ALK: variants seen among roughly 807,000 people sequenced by gnomAD.
ALK encodes ALK tyrosine kinase receptor.
In ALK, 74 loss-of-function variants were observed where a neutral mutation model predicts 163.1. The observed-to-expected ratio is 0.45, with a 90% CI of 0.38 to 0.55. The LOEUF (loss-of-function observed/expected upper bound fraction) is 0.55. ALK is among the 20% of genes least tolerant of loss of function. ALK has a pLI of 0.00. For missense variants in ALK, 2,063 were observed against 2,105.3 expected, an observed-to-expected ratio of 0.98 and a Z score of 0.39; for synonymous variants, 960 against 843.2, an observed-to-expected ratio of 1.14 and a Z score of -2.40.
intron 5 of ALK, among the ~76,000 whole-genome samples, chr2:29,360,689 A>G (rs1668365624): frequency 6.6e-6 from 1 of 152,194 alleles, no homozygotes; most frequent in African/African-American, 2.4e-5. Flanking sequence ...ATAACTAGGA[A>G]TTGTGGTGAA....
intron 4 of ALK, among the ~76,000 whole-genome samples, chr2:29,444,181 C>T (rs113466912): frequency 3.9e-5 from 6 of 152,230 alleles, no homozygotes; most frequent in South Asian, 2.1e-4. Flanking sequence ...GAGAGTGAAT[C>T]GGGAGCTCCA....
intron 4 of ALK, among the ~76,000 whole-genome samples, chr2:29,448,276 T>G (rs1206401848): frequency 5.3e-5 from 8 of 152,212 alleles, no homozygotes; most frequent in Admixed American, 2.6e-4. Context: ...CAGGAGTTTC[T>G]GCAGCCCACA....
At chr2:29,340,309 G>T (rs188428073) in intron 5 of ALK, among the ~76,000 whole-genome samples, 1 of 152,180 alleles carries the variant, frequency 6.6e-6, no homozygotes, top group Admixed American at 6.5e-5. Context: ...CAGGGACCAG[G>T]CTTTAGATTC....
intron 4 of ALK, among the ~76,000 whole-genome samples, chr2:29,451,846 C>T (rs529827238): frequency 6.6e-5 from 10 of 152,264 alleles, no homozygotes; most frequent in East Asian, 5.8e-4. Context: ...AGAAAACACA[C>T]GCAGCCACGC....
chr2:29,858,204 C>T (rs1666193034), intron 1 of ALK, among the ~76,000 whole-genome samples: 1 of 152,194 alleles, frequency 6.6e-6, no homozygotes, highest in Non-Finnish European at 1.5e-5. Context: ...TATAACCACA[C>T]CTACCTTCTT....
At chr2:29,419,653 G>C (rs935694645) in intron 4 of ALK, among the ~76,000 whole-genome samples, 1 of 151,476 alleles carries the variant, frequency 6.6e-6, no homozygotes, top group Admixed American at 6.6e-5. Context: ...GAAGAAGTTT[G>C]GTTTTCATAA....
At chr2:29,603,660 C>T (rs1302610191) in intron 3 of ALK, among the ~76,000 whole-genome samples, 4 of 151,930 alleles carry the variant, frequency 2.6e-5, no homozygotes, top group South Asian at 2.1e-4. Context: ...TTGGGTGGCT[C>T]AGAATTTTGT....
At chr2:29,221,863 ACT>A (rs1391174518) in intron 22 of ALK, among the ~76,000 whole-genome samples, 3 of 152,112 alleles carry the variant, frequency 2.0e-5, no homozygotes, top group African/African-American at 7.2e-5. Flanking sequence ...AGGCACTGAG[ACT>A]CTCAGCTTAA....
At position 29,647,617 on chromosome 2, in the gene ALK, T is replaced by C. The variant is rs1193517151; in HGVS notation, c.952+47233A>G. On this transcript the variant is annotated intron_variant, in intron 3 of 28. Transcript: ENST00000389048. ...CAGCCTGTGAAGAAGCGTCCGGAATTGAGGGAGCTGTAGAATGAAGTTCAT... is the reference window on the plus strand; with the variant it reads ...CAGCCTGTGAAGAAGCGTCCGGAATCGAGGGAGCTGTAGAATGAAGTTCAT... Among the ~76,000 whole-genome samples the C allele has an allele frequency of 2.0e-5, 3 of 152,120 alleles. No individual in the cohort carries two copies. In the East Asian group the frequency reaches 5.8e-4, roughly 29 times the overall value.
rs879207619 is a variant in ALK at position 29,227,715 on chromosome 2, G to A, written c.2816-43C>T. On this transcript the variant is annotated intron_variant, in intron 16 of 28. Coordinates refer to ENST00000389048, the MANE Select transcript of ALK (RefSeq NM_004304.5). This position sits in a 1 kb window ranked among gnomAD's most constrained non-coding sequence, Gnocchi z 4.4. ...GCAGAGTTTAACATGGGGGGTGGGT[G>A]CCAAAATCTTAACACACACACACGT... 6.6e-7 allele frequency: 1 copy of A among 1,517,952 alleles called. No individual in the cohort carries two copies. 94.0% of individuals were successfully genotyped at this position (1,517,952 alleles called of 1,614,324 possible).
intron 3 of ALK, among the ~76,000 whole-genome samples, chr2:29,600,075 C>T (rs537224227): frequency 1.3e-5 from 2 of 152,300 alleles, no homozygotes; most frequent in South Asian, 2.1e-4. Flanking sequence ...ATCACCCATC[C>T]ACACGTGGGG....
At chr2:29,393,771 T>C (rs1026022191) in intron 4 of ALK, among the ~76,000 whole-genome samples, 1 of 152,186 alleles carries the variant, frequency 6.6e-6, no homozygotes, top group South Asian at 2.1e-4. Flanking sequence ...GCCCCTACAG[T>C]TTCTAAAACA....
At chr2:29,873,777 G>A (rs1485706854) in intron 1 of ALK, among the ~76,000 whole-genome samples, 1 of 151,840 alleles carries the variant, frequency 6.6e-6, no homozygotes, top group East Asian at 1.9e-4. Flanking sequence ...ATATGAAAAT[G>A]CCACCAAGAC....
At chr2:29,250,470 C>A (rs1285026543) in intron 12 of ALK, among the ~76,000 whole-genome samples, 3 of 152,160 alleles carry the variant, frequency 2.0e-5, no homozygotes. Flanking sequence ...CCACTCCAGA[C>A]CTGCAGAACC....
At chr2:29,482,978 A>G (rs186899977) in intron 4 of ALK, among the ~76,000 whole-genome samples, 9 of 152,302 alleles carry the variant, frequency 5.9e-5, no homozygotes, top group Non-Finnish European at 1.3e-4. Context: ...CTTTTCTTCT[A>G]CTAGGCTATT....
intron 1 of ALK, among the ~76,000 whole-genome samples, chr2:29,883,855 G>A (rs979835524): frequency 6.6e-6 from 1 of 151,856 alleles, no homozygotes; most frequent in Non-Finnish European, 1.5e-5. Context: ...ACATAGCCTG[G>A]AAATATCAAA....
chr2:29,263,266 T>G (rs79447156), intron 11 of ALK, among the ~76,000 whole-genome samples: 1 of 152,214 alleles, frequency 6.6e-6, no homozygotes, highest in African/African-American at 2.4e-5. Flanking sequence ...TGCGGCCTCC[T>G]GTTGTAAGGT....
chr2:29,584,301 A>C (rs1674810419), intron 3 of ALK, among the ~76,000 whole-genome samples: 1 of 152,228 alleles, frequency 6.6e-6, no homozygotes, highest in Non-Finnish European at 1.5e-5. Flanking sequence ...TTTTAAAGGC[A>C]ATGCGTGTTC....
chr2:29,265,697 A>G (rs1665204339), intron 11 of ALK, among the ~76,000 whole-genome samples: 2 of 152,212 alleles, frequency 1.3e-5, no homozygotes, highest in South Asian at 4.1e-4. Context: ...CACCATAAAA[A>G]CAAATCAGAG....
Sources: allele counts gnomAD v4.1 joint callset (sites outside exome capture counted in the v4.1 genomes callset), GRCh38; gene constraint gnomAD v4.1.1; non-coding constraint Gnocchi (gnomAD v3.1); transcripts MANE v1.5; gene names NCBI Gene and HGNC (gene_info 2026-07-23, HGNC 2026-07-21).